ACSS2: variants seen among roughly 807,000 people sequenced by gnomAD.
ACSS2 encodes acyl-CoA synthetase short chain family member 2.
Under a neutral mutation model 90.6 loss-of-function variants are expected in ACSS2, and 58 were observed. That is an observed-to-expected ratio of 0.64 (90% CI 0.52 to 0.80). The LOEUF is 0.80. Ranked by LOEUF, ACSS2 falls within the 30% of genes least tolerant of loss-of-function variation. The pLI, the probability that ACSS2 is intolerant of heterozygous loss-of-function variation, is 0.00. For missense variants in ACSS2, 759 were observed against 912.0 expected (o/e 0.83, Z 2.16); for synonymous variants, 300 against 330.9 (o/e 0.91, Z 1.01).
Position 34,905,368 on chromosome 20 carries a change from G to A in ACSS2, c.375-7728G>A, listed in dbSNP as rs541292478. Among the ~76,000 whole-genome samples the A allele has an allele frequency of 6.0e-3, 908 of 151,960 alleles. 5 individuals are homozygous for A. The highest frequency in any genetic ancestry group is 0.01 in the Non-Finnish European group (688 of 67,972). ...GCTCACTGCAAGCTCCACCTCCTGG[G>A]TTCACGCCATCCTCCTGCCTCAGCC... On this transcript the variant is annotated intron_variant, in intron 2 of 17. Coordinates refer to ENST00000360596, the MANE Select transcript of ACSS2 (RefSeq NM_018677.4).
chr20:34,882,963 G>T lies in ACSS2; in HGVS notation c.348G>T (p.Lys116Asn). The T allele has an allele frequency of 6.2e-7, 1 of 1,603,696 alleles. No homozygotes were observed. Among genetic ancestry groups the T allele is most frequent in the Non-Finnish European group, 8.5e-7 (1 of 1,177,204 alleles). Reference protein sequence around the residue: ...NVLDRNVHEKKLGDKVAFYWE... With the variant: ...NVLDRNVHEKNLGDKVAFYWE... ...TGGATCGAAATGTCCATGAGAAAAA[G>T]CTTGGAGATAAAGTTGCTTTTTACT... The change falls in exon 2 of 18, where the codon AAG (lysine) becomes AAT (asparagine). Residue 116 changes from lysine to asparagine, a missense_variant. Transcript: ENST00000360596.
chr20:34,909,081 C>T, intron 2 of ACSS2: 1 of 348,214 alleles, frequency 2.9e-6, no homozygotes, highest in South Asian at 2.3e-5. Flanking sequence ...CACCGTGGCT[C>T]ACACCTGTAA....
chr20:34,884,157 A>G (rs1277628833), intron 2 of ACSS2, among the ~76,000 whole-genome samples: 3 of 152,112 alleles, frequency 2.0e-5, no homozygotes, highest in Admixed American at 2.0e-4. Flanking sequence ...ATGGGGTTTC[A>G]CCATGTTGCC....
At chr20:34,884,032 G>A (rs2080130801) in intron 2 of ACSS2, among the ~76,000 whole-genome samples, 1 of 152,094 alleles carries the variant, frequency 6.6e-6, no homozygotes, top group Admixed American at 6.6e-5. Flanking sequence ...CCTCTGCCCT[G>A]CCTCCCCTGC....
At chr20:34,910,026 T>TG (rs2080912563) in intron 2 of ACSS2, among the ~76,000 whole-genome samples, 1 of 150,930 alleles carries the variant, frequency 6.6e-6, no homozygotes, top group Non-Finnish European at 1.5e-5. Flanking sequence ...CAAATTTTTT[T>TG]TTTTTTTTTT....
intron 2 of ACSS2, among the ~76,000 whole-genome samples, chr20:34,907,268 C>T (rs145186586): frequency 0.034 from 5,198 of 152,038 alleles, 141 homozygotes; most frequent in Admixed American, 0.074. Flanking sequence ...CAGGCATGCG[C>T]CACCATGCCC....
Position 34,899,423 on chromosome 20 carries a change from TTTCCTTCC to T in ACSS2, c.375-13634_375-13627del, listed in dbSNP as rs71196768. Among the ~76,000 whole-genome samples the T allele has an allele frequency of 3.6e-3, 409 of 113,068 alleles. 1 individual carries two copies. Among genetic ancestry groups the T allele is most frequent in the Non-Finnish European group, 5.2e-3 (290 of 55,692 alleles). The allele number at this position is 113,068 out of a possible 152,430, so 74.2% of individuals were successfully genotyped here. The stretch of plus-strand genomic sequence containing the variant: ...CTTTCCTTCTTTCTTTCTTTCTTTC[TTTCCTTCC>T]TTCCTTCCTTCCTTCCTTCCTTCCT... On this transcript the variant is annotated intron_variant, in intron 2 of 17. Coordinates refer to ENST00000360596, the MANE Select transcript of ACSS2 (RefSeq NM_018677.4).
upstream of ACSS2, chr20:34,876,574 T>G (rs2079912981): frequency 7.8e-7 from 1 of 1,282,124 alleles, no homozygotes; most frequent in East Asian, 3.1e-5. Flanking sequence ...CCGCCTCTAG[T>G]TCGGCCTGTT....
chr20:34,925,639 T>C (rs1408970180), intron 14 of ACSS2, 59 bp from the exon 15 acceptor site: 14 of 1,543,888 alleles, frequency 9.1e-6, no homozygotes, highest in Admixed American at 3.8e-5. Flanking sequence ...AGTTTGGTAA[T>C]GTGGATCAGG....
chr20:34,902,728 T>G (rs2080696275), intron 2 of ACSS2, among the ~76,000 whole-genome samples: 4 of 151,874 alleles, frequency 2.6e-5, no homozygotes, highest in Admixed American at 2.6e-4. Flanking sequence ...AATTAATTAA[T>G]TAATTAATTA....
upstream of ACSS2, chr20:34,876,308 C>T (rs1457849604): frequency 8.6e-6 from 2 of 232,518 alleles, no homozygotes; most frequent in Non-Finnish European, 1.7e-5. Context: ...CCTGGCCCCG[C>T]CCCTCCCTTG....
intron 2 of ACSS2, among the ~76,000 whole-genome samples, chr20:34,886,701 A>G (rs2080202579): frequency 6.6e-6 from 1 of 152,176 alleles, no homozygotes; most frequent in African/African-American, 2.4e-5. Flanking sequence ...CATATATTTA[A>G]TATTTTCCAA....
chr20:34,903,292 A>G (rs146649667), intron 2 of ACSS2, among the ~76,000 whole-genome samples: 3 of 151,784 alleles, frequency 2.0e-5, no homozygotes, highest in Non-Finnish European at 2.9e-5. Context: ...CAGTAAGTCA[A>G]GATCACACCA....
intron 2 of ACSS2, among the ~76,000 whole-genome samples, chr20:34,890,685 G>A (rs2080312941): frequency 6.6e-6 from 1 of 152,042 alleles, no homozygotes; most frequent in South Asian, 2.1e-4. Flanking sequence ...TTTGCTTTGG[G>A]TTGCCTAAGG....
chr20:34,903,213 G>C (rs2080711979), intron 2 of ACSS2, among the ~76,000 whole-genome samples: 2 of 151,982 alleles, frequency 1.3e-5, no homozygotes, highest in Admixed American at 1.3e-4. Context: ...ATGGTGGCAT[G>C]CACCTGTGGT....
At chr20:34,924,233 A>G (rs2081267194) in intron 14 of ACSS2, among the ~76,000 whole-genome samples, 1 of 152,254 alleles carries the variant, frequency 6.6e-6, no homozygotes, top group Admixed American at 6.5e-5. Flanking sequence ...TCCTGTGCCC[A>G]GGCACTGATC....
At chr20:34,924,010 G>T (rs1467569426) in intron 14 of ACSS2, among the ~76,000 whole-genome samples, 1 of 152,162 alleles carries the variant, frequency 6.6e-6, no homozygotes, top group African/African-American at 2.4e-5. Context: ...GACTGTAAGG[G>T]CAGGAATGAG....
rs755478287 is a variant in ACSS2 at position 34,921,126 on chromosome 20, G to A, written c.1264G>A (p.Glu422Lys). 6 of 1,614,084 alleles carry A rather than the reference G, an allele frequency of 3.7e-6. No individual in the cohort carries two copies. In the East Asian group the frequency reaches 8.9e-5, roughly 24 times the overall value. ...AIRLLMKFGD[E>K]PVTKHSRASL... is the part of the protein sequence containing the mutation. ...CCGTCTGCTCATGAAGTTTGGAGAT[G>A]AGCCTGTCACCAAGTGAGACCTCTT... Residue 422 changes from glutamate to lysine, a missense_variant, in exon 10 of 18, where the codon GAG becomes AAG. Coordinates refer to ENST00000360596, the MANE Select transcript of ACSS2 (RefSeq NM_018677.4).
intron 14 of ACSS2, among the ~76,000 whole-genome samples, chr20:34,925,375 C>T (rs1439862054): frequency 6.6e-6 from 1 of 152,178 alleles, no homozygotes; most frequent in East Asian, 1.9e-4. Context: ...GCTTACCCTA[C>T]AGCAAATGAT....
Sources: gnomAD v4.1 joint callset for allele counts (sites outside exome capture counted in the v4.1 genomes callset) on GRCh38, gnomAD v4.1.1 for gene constraint, MANE v1.5 for transcripts, NCBI Gene and HGNC (gene_info 2026-07-23, HGNC 2026-07-21) for gene names.